Variants in C1QTNF3 observed in about 807,000 individuals in gnomAD.
C1QTNF3 encodes complement C1q tumor necrosis factor-related protein 3.
In C1QTNF3, 26 loss-of-function variants were observed where a neutral mutation model predicts 32.6. The ratio of observed to expected loss-of-function variants is 0.80; its 90% CI spans 0.58 to 1.11. The LOEUF is 1.11. Ranked by LOEUF, C1QTNF3 falls within the 50% of genes least tolerant of loss-of-function variation. The pLI is 0.00. For synonymous variants in C1QTNF3, 155 were observed against 146.0 expected (o/e 1.06, Z -0.44); for missense variants, 362 against 398.2 (o/e 0.91, Z 0.77).
chr5:34,107,650 C>A, the C1QTNF3 span, among the ~76,000 whole-genome samples: 1 of 151,778 alleles, frequency 6.6e-6, no homozygotes, highest in Non-Finnish European at 1.5e-5. Context: ...ACAGCAGGAC[C>A]TAATAAAACA....
the C1QTNF3 span, among the ~76,000 whole-genome samples, chr5:34,118,221 G>C: frequency 3.3e-5 from 5 of 152,020 alleles, no homozygotes; most frequent in South Asian, 8.3e-4. Flanking sequence ...CTGGAATTAC[G>C]GGTGCACACC....
At chr5:34,202,895 T>C in the C1QTNF3 span, among the ~76,000 whole-genome samples, 13 of 151,842 alleles carry the variant, frequency 8.6e-5, no homozygotes, top group Non-Finnish European at 1.8e-4. Context: ...TAGCAAATAA[T>C]AAAACTTAAC....
the C1QTNF3 span, among the ~76,000 whole-genome samples, chr5:34,075,603 A>G: frequency 0.019 from 2,836 of 151,654 alleles, 49 homozygotes; most frequent in South Asian, 0.056. Context: ...AATGTTAGAG[A>G]GGATGCAGAG....
upstream of C1QTNF3, among the ~76,000 whole-genome samples, chr5:34,044,380 A>C (rs140180831): frequency 5.0e-4 from 76 of 152,298 alleles, no homozygotes; most frequent in East Asian, 0.011. Context: ...CCAGGACCGT[A>C]AATAGCATGG....
chr5:34,230,083 C>A, the C1QTNF3 span, among the ~76,000 whole-genome samples: 1 of 152,174 alleles, frequency 6.6e-6, no homozygotes, highest in Non-Finnish European at 1.5e-5. Flanking sequence ...TCTTGGACTT[C>A]CCAACTTTCA....
the C1QTNF3 span, among the ~76,000 whole-genome samples, chr5:34,135,075 A>G: frequency 1.3e-5 from 2 of 152,144 alleles, no homozygotes; most frequent in African/African-American, 2.4e-5. Context: ...AGCTCTTACT[A>G]TTTTGAGTTA....
chr5:34,230,144 T>C, the C1QTNF3 span, among the ~76,000 whole-genome samples: 2 of 152,190 alleles, frequency 1.3e-5, no homozygotes, highest in African/African-American at 4.8e-5. Flanking sequence ...TCTATGGTAT[T>C]TTCTTACAGT....
chr5:34,171,839 A>G, the C1QTNF3 span, among the ~76,000 whole-genome samples: 4 of 152,350 alleles, frequency 2.6e-5, no homozygotes, highest in South Asian at 2.1e-4. Flanking sequence ...TGTATTCACA[A>G]TAGTGCCAGT....
chr5:34,208,777 G>A, the C1QTNF3 span, among the ~76,000 whole-genome samples: 7 of 152,042 alleles, frequency 4.6e-5, no homozygotes. Flanking sequence ...TAACTATTAG[G>A]ATAATGTGCC....
chr5:34,218,291 T>C, the C1QTNF3 span: 1 of 151,510 alleles, frequency 6.6e-6, no homozygotes, highest in African/African-American at 2.4e-5. Flanking sequence ...CCTTTATTAC[T>C]TACTGTTTGA....
the C1QTNF3 span, among the ~76,000 whole-genome samples, chr5:34,058,395 C>T: frequency 2.0e-5 from 3 of 152,078 alleles, no homozygotes; most frequent in Non-Finnish European, 2.9e-5. Context: ...GAGCAAGGAG[C>T]AAGATGGAGA....
At chr5:34,165,149 A>C in the C1QTNF3 span, 1 of 152,126 alleles carries the variant, frequency 6.6e-6, no homozygotes, top group Non-Finnish European at 1.5e-5. Flanking sequence ...TTGGGATTCC[A>C]GGAGTTGCAA....
At chr5:34,079,898 T>C in the C1QTNF3 span, among the ~76,000 whole-genome samples, 3 of 151,620 alleles carry the variant, frequency 2.0e-5, no homozygotes, top group Admixed American at 2.0e-4. Flanking sequence ...TACTTAAAAA[T>C]TTGCTAAAAG....
the C1QTNF3 span, among the ~76,000 whole-genome samples, chr5:34,082,577 C>T: frequency 1.3e-5 from 2 of 151,612 alleles, no homozygotes; most frequent in South Asian, 2.1e-4. Flanking sequence ...TGAATCGATA[C>T]GAAGCCATTA....
At chr5:34,048,546 T>C in the C1QTNF3 span, among the ~76,000 whole-genome samples, 3 of 152,100 alleles carry the variant, frequency 2.0e-5, no homozygotes, top group Non-Finnish European at 4.4e-5. Flanking sequence ...GGTTTCTGTG[T>C]AGGGGGCACT....
At chr5:34,240,871 A>G in the C1QTNF3 span, among the ~76,000 whole-genome samples, 3 of 152,240 alleles carry the variant, frequency 2.0e-5, no homozygotes, top group African/African-American at 4.8e-5. Context: ...AATTCTCAAC[A>G]AAGTACTAGC....
At chr5:34,121,617 A>C in the C1QTNF3 span, among the ~76,000 whole-genome samples, 213 of 152,302 alleles carry the variant, frequency 1.4e-3, no homozygotes, top group Non-Finnish European at 4.0e-4. Context: ...GTACAATTCA[A>C]GATAAGATTT....
At chr5:34,044,397 A>C (rs1488584241), upstream of C1QTNF3, among the ~76,000 whole-genome samples, 1 of 152,158 alleles carries the variant, frequency 6.6e-6, no homozygotes, top group Non-Finnish European at 1.5e-5. Flanking sequence ...ATGGGTGGCA[A>C]GCGTCTGATG....
the C1QTNF3 span, among the ~76,000 whole-genome samples, chr5:34,224,730 A>G: frequency 1.3e-5 from 2 of 152,184 alleles, no homozygotes; most frequent in Admixed American, 1.3e-4. Flanking sequence ...ACCATTCAGG[A>G]CATAGGCATG....
Sources: gnomAD v4.1 joint callset for allele counts (sites outside exome capture counted in the v4.1 genomes callset) on GRCh38, gnomAD v4.1.1 for gene constraint, MANE v1.5 for transcripts, NCBI Gene and HGNC (gene_info 2026-07-23, HGNC 2026-07-21) for gene names.